CNTNAP2: variants seen among roughly 807,000 people sequenced by gnomAD.
The protein encoded by CNTNAP2 is contactin associated protein 2.
CNTNAP2 carries 98 observed loss-of-function variants against 155.2 expected under a neutral mutation model. That is an observed-to-expected ratio of 0.63 (90% CI 0.54 to 0.75). The LOEUF (loss-of-function observed/expected upper bound fraction) is 0.75. CNTNAP2 is among the 30% of genes least tolerant of loss of function. The pLI is 0.00. For synonymous variants in CNTNAP2, 651 were observed against 631.2 expected (o/e 1.03, Z -0.47); for missense variants, 1,727 against 1,688.1 (o/e 1.02, Z -0.40).
At chr7:147,460,641 T>C (rs954980207) in intron 10 of CNTNAP2, among the ~76,000 whole-genome samples, 2 of 152,208 alleles carry the variant, frequency 1.3e-5, no homozygotes, top group Non-Finnish European at 2.9e-5. Context: ...GGAGAGTTTA[T>C]GTTTGCATTA....
chr7:147,932,511 A>T (rs1470639327), intron 14 of CNTNAP2, among the ~76,000 whole-genome samples: 4 of 152,232 alleles, frequency 2.6e-5, no homozygotes, highest in Non-Finnish European at 5.9e-5. Flanking sequence ...TCCACATACA[A>T]AAAGAACAAA....
intron 3 of CNTNAP2, among the ~76,000 whole-genome samples, chr7:146,886,786 A>G (rs910101552): frequency 6.7e-6 from 1 of 150,052 alleles, no homozygotes; most frequent in Non-Finnish European, 1.5e-5. Context: ...ATAGCCTCCT[A>G]TGTCATGAGT....
At chr7:146,646,094 A>G (rs1799806672) in intron 1 of CNTNAP2, among the ~76,000 whole-genome samples, 1 of 152,198 alleles carries the variant, frequency 6.6e-6, no homozygotes, top group Admixed American at 6.6e-5. Flanking sequence ...TTGTATTCAC[A>G]CTTTACAAGT....
chr7:146,121,972 G>A (rs1054080272), intron 1 of CNTNAP2, among the ~76,000 whole-genome samples: 11 of 152,190 alleles, frequency 7.2e-5, no homozygotes, highest in Non-Finnish European at 1.5e-4. Flanking sequence ...CTCTGTAGAA[G>A]CTATATGTTT....
intron 1 of CNTNAP2, among the ~76,000 whole-genome samples, chr7:146,687,754 C>A (rs1800627135): frequency 6.6e-6 from 1 of 152,094 alleles, no homozygotes; most frequent in African/African-American, 2.4e-5. Context: ...GATGACAATG[C>A]AACCAGGAGG....
chr7:146,300,813 A>G (rs1800595131), intron 1 of CNTNAP2, among the ~76,000 whole-genome samples: 1 of 152,284 alleles, frequency 6.6e-6, no homozygotes, highest in South Asian at 2.1e-4. Context: ...GGGATTCTAC[A>G]ATGGGTTTGC....
rs146007905 is a variant in CNTNAP2 at position 146,614,620 on chromosome 7, G to C, written c.98-159651G>C. Among the ~76,000 whole-genome samples, 65 of 152,300 alleles carry C rather than the reference G, an allele frequency of 4.3e-4. No homozygotes were observed. The East Asian group carries it at 0.012, about 29-fold the overall frequency. ...TGAATGCAAACCTGCAGGGAAAATG[G>C]TTAAGGTAGTCTTGTCAAATGTTGT... On this transcript the variant is annotated intron_variant, in intron 1 of 23. Transcript: ENST00000361727.
chr7:147,676,211 G>T (rs907559031), intron 13 of CNTNAP2, among the ~76,000 whole-genome samples: 1 of 151,864 alleles, frequency 6.6e-6, no homozygotes, highest in African/African-American at 2.4e-5. Context: ...TGTTCTAAAT[G>T]AAGAATGTTT....
intron 1 of CNTNAP2, among the ~76,000 whole-genome samples, chr7:146,735,721 G>GCATATATATACATATGCATATA (rs1563209925): frequency 4.6e-5 from 7 of 151,990 alleles, no homozygotes; most frequent in African/African-American, 1.7e-4. Context: ...ATATATATGT[G>GCATATATATACATATGCATATA]TAGAGAATAG....
chr7:146,277,112 G>GAC (rs1008338619), intron 1 of CNTNAP2, among the ~76,000 whole-genome samples: 40 of 152,264 alleles, frequency 2.6e-4, no homozygotes, highest in African/African-American at 8.7e-4. Flanking sequence ...TGAAGGCACA[G>GAC]ACAGACAGTG....
intron 2 of CNTNAP2, among the ~76,000 whole-genome samples, chr7:146,798,827 T>A (rs1802817531): frequency 6.6e-6 from 1 of 152,124 alleles, no homozygotes; most frequent in Non-Finnish European, 1.5e-5. Flanking sequence ...AAAAAGCAAA[T>A]TATAATTACC....
intron 1 of CNTNAP2, among the ~76,000 whole-genome samples, chr7:146,142,835 T>C (rs1320902685): frequency 4.6e-5 from 7 of 152,218 alleles, no homozygotes; most frequent in Non-Finnish European, 8.8e-5. Context: ...ATTTATCATA[T>C]TGTAAAATTT....
chr7:146,559,231 A>G (rs1798244785), intron 1 of CNTNAP2, among the ~76,000 whole-genome samples: 2 of 152,118 alleles, frequency 1.3e-5, no homozygotes, highest in Admixed American at 1.3e-4. Context: ...ACACACATAT[A>G]TATCACATTG....
intron 1 of CNTNAP2, among the ~76,000 whole-genome samples, chr7:146,289,965 T>C (rs962176596): frequency 2.0e-5 from 3 of 152,180 alleles, no homozygotes; most frequent in Admixed American, 1.3e-4. Flanking sequence ...TTTTAAGAAA[T>C]GAAAACTTAT....
intron 3 of CNTNAP2, among the ~76,000 whole-genome samples, chr7:146,843,216 G>A (rs1344564477): frequency 7.2e-6 from 1 of 139,816 alleles, no homozygotes; most frequent in Admixed American, 7.1e-5. Context: ...GTTTCACCTT[G>A]TTAGCCAGGA....
chr7:148,343,683 T>C (rs1798273114), intron 21 of CNTNAP2, among the ~76,000 whole-genome samples: 1 of 152,184 alleles, frequency 6.6e-6, no homozygotes, highest in Non-Finnish European at 1.5e-5. Flanking sequence ...CTTTCAAAAA[T>C]ACTCATTTAA....
At chr7:147,690,912 A>G (rs570720056) in intron 13 of CNTNAP2, among the ~76,000 whole-genome samples, 25 of 152,080 alleles carry the variant, frequency 1.6e-4, no homozygotes, top group Non-Finnish European at 2.8e-4. Flanking sequence ...CTCTGCCTCA[A>G]AATTTTGGTT....
At chr7:146,646,594 A>G (rs1231362449) in intron 1 of CNTNAP2, among the ~76,000 whole-genome samples, 1 of 152,152 alleles carries the variant, frequency 6.6e-6, no homozygotes, top group African/African-American at 2.4e-5. Context: ...CCTTAAGTAC[A>G]TTTCCGGAAG....
intron 18 of CNTNAP2, chr7:148,190,487 A>C (rs1371616113): frequency 6.6e-6 from 1 of 152,234 alleles, no homozygotes; most frequent in Non-Finnish European, 1.5e-5. Flanking sequence ...TCCAAGTATT[A>C]TCTTTGTTTT....
Sources: allele counts gnomAD v4.1 joint callset (sites outside exome capture counted in the v4.1 genomes callset), GRCh38; gene constraint gnomAD v4.1.1; transcripts MANE v1.5; gene names NCBI Gene and HGNC (gene_info 2026-07-23, HGNC 2026-07-21).